CCSER1: variants seen among roughly 807,000 people sequenced by gnomAD.
CCSER1 encodes serine-rich coiled-coil domain-containing protein 1.
Under a neutral mutation model 82.0 loss-of-function variants are expected in CCSER1, and 41 were observed. That is an observed-to-expected ratio of 0.50 (90% CI 0.39 to 0.65). The LOEUF is 0.65. Among genes scored for constraint, CCSER1 ranks in the 30% least tolerant of loss-of-function variants. CCSER1 has a pLI of 0.00. For synonymous variants in CCSER1, 414 were observed against 383.9 expected, an observed-to-expected ratio of 1.08 and a Z score of -0.92; for missense variants, 1,119 against 1,064.2, an observed-to-expected ratio of 1.05 and a Z score of -0.72.
intron 10 of CCSER1, among the ~76,000 whole-genome samples, chr4:91,439,675 G>A (rs1754966078): frequency 6.6e-6 from 1 of 152,030 alleles, no homozygotes; most frequent in African/African-American, 2.4e-5. Flanking sequence ...TGGCAAATTG[G>A]ATAAAGAGTC....
At chr4:90,499,833 T>G in intron 5 of CCSER1, among the ~76,000 whole-genome samples, 1 of 152,184 alleles carries the variant, frequency 6.6e-6, no homozygotes, top group Non-Finnish European at 1.5e-5. Flanking sequence ...ACTATTTTGC[T>G]ATGACCAAGC....
intron 6 of CCSER1, among the ~76,000 whole-genome samples, chr4:90,648,289 GAAAGAAA>G (rs1728026992): frequency 2.2e-5 from 2 of 90,626 alleles, no homozygotes; most frequent in East Asian, 3.7e-4. Context: ...AGAAAGGAAA[GAAAGAAA>G]GAAAGAAAGA....
chr4:90,229,387 G>C (rs974365121), intron 1 of CCSER1, among the ~76,000 whole-genome samples: 7 of 152,008 alleles, frequency 4.6e-5, no homozygotes, highest in African/African-American at 1.7e-4. Flanking sequence ...ATAAGTGAGG[G>C]AGAAATAAAA....
At chr4:91,226,525 T>G (rs2149108545) in intron 10 of CCSER1, among the ~76,000 whole-genome samples, 1 of 151,978 alleles carries the variant, frequency 6.6e-6, no homozygotes, top group Non-Finnish European at 1.5e-5. Context: ...TATGGGGGCA[T>G]GTGAAGTGAA....
intron 10 of CCSER1, among the ~76,000 whole-genome samples, chr4:91,242,481 T>C (rs992655900): frequency 6.6e-6 from 1 of 152,216 alleles, no homozygotes; most frequent in African/African-American, 2.4e-5. Flanking sequence ...CTTACATCTT[T>C]CATAAAAATT....
intron 10 of CCSER1, among the ~76,000 whole-genome samples, chr4:91,157,361 G>A (rs988973073): frequency 4.0e-5 from 6 of 151,838 alleles, no homozygotes; most frequent in Admixed American, 2.6e-4. Flanking sequence ...AGAGGAAAAT[G>A]GTTTTATTCT....
chr4:90,906,583 A>G (rs1371243207), intron 8 of CCSER1, among the ~76,000 whole-genome samples: 1 of 152,124 alleles, frequency 6.6e-6, no homozygotes, highest in Non-Finnish European at 1.5e-5. Flanking sequence ...AATGCTCACA[A>G]TCTCCTAAAA....
intron 10 of CCSER1, among the ~76,000 whole-genome samples, chr4:91,559,101 C>CTAAT (rs1407173267): frequency 6.6e-6 from 1 of 151,430 alleles, no homozygotes; most frequent in Non-Finnish European, 1.5e-5. Flanking sequence ...TATGTGTCAT[C>CTAAT]TAATATTAAC....
chr4:90,650,896 C>G (rs1728633811), intron 6 of CCSER1, among the ~76,000 whole-genome samples: 1 of 152,138 alleles, frequency 6.6e-6, no homozygotes, highest in Non-Finnish European at 1.5e-5. Context: ...AGTCTCATAA[C>G]TAAGAAGCAG....
chr4:90,805,003 A>G (rs1026901265), intron 7 of CCSER1, among the ~76,000 whole-genome samples: 8 of 152,244 alleles, frequency 5.3e-5, no homozygotes, highest in African/African-American at 1.7e-4. Context: ...AAATTAAATC[A>G]CAAAATATTT....
At chr4:90,701,769 CTGTT>C (rs1223011153) in intron 6 of CCSER1, among the ~76,000 whole-genome samples, 10 of 152,232 alleles carry the variant, frequency 6.6e-5, no homozygotes, top group Non-Finnish European at 1.3e-4. Flanking sequence ...ATTTGGCTCT[CTGTT>C]TGTCTGTTAT....
At chr4:90,484,948 T>G (rs921166130) in intron 5 of CCSER1, among the ~76,000 whole-genome samples, 2 of 152,224 alleles carry the variant, frequency 1.3e-5, no homozygotes, top group Non-Finnish European at 2.9e-5. Flanking sequence ...TGCTGTCTTT[T>G]GTTTGTCTGT....
chr4:90,697,383 T>C (rs552018013), intron 6 of CCSER1, among the ~76,000 whole-genome samples: 1 of 119,294 alleles, frequency 8.4e-6, no homozygotes, highest in South Asian at 2.7e-4. Context: ...TTATTTCACA[T>C]AACATAAAAA....
chr4:90,194,927 G>A (rs947459310), intron 1 of CCSER1, among the ~76,000 whole-genome samples: 6 of 152,018 alleles, frequency 3.9e-5, no homozygotes, highest in African/African-American at 1.4e-4. Context: ...AGTTCTGTGA[G>A]TTTCAGAAAT....
At chr4:91,207,530 T>C (rs993607353) in intron 10 of CCSER1, among the ~76,000 whole-genome samples, 1 of 151,906 alleles carries the variant, frequency 6.6e-6, no homozygotes, top group African/African-American at 2.4e-5. Flanking sequence ...GGCCTCCAGT[T>C]CCATACATGT....
chr4:91,343,680 G>A lies in CCSER1; in HGVS notation c.2218-254892G>A, dbSNP rs532657118. 1.3e-3 allele frequency among the ~76,000 whole-genome samples: 192 copies of A among 152,170 alleles called. 1 individual carries two copies. The highest frequency in any genetic ancestry group is 4.1e-3 in the African/African-American group (171 of 41,532). The stretch of plus-strand genomic sequence containing the variant: ...ATAGAATTTTTAATCAAATTTTAGC[G>A]TGGAGATGATAGATCTTTAACACCT... On this transcript the variant is annotated intron_variant, in intron 10 of 10. Coordinates refer to ENST00000509176, the MANE Select transcript of CCSER1 (RefSeq NM_001145065.2).
At chr4:91,440,557 G>T (rs1755049689) in intron 10 of CCSER1, among the ~76,000 whole-genome samples, 1 of 152,124 alleles carries the variant, frequency 6.6e-6, no homozygotes, top group South Asian at 2.1e-4. Flanking sequence ...ACAATTAAAA[G>T]AACTAGAGAA....
At chr4:91,273,220 C>T (rs1332759293) in intron 10 of CCSER1, among the ~76,000 whole-genome samples, 1 of 152,016 alleles carries the variant, frequency 6.6e-6, no homozygotes, top group Non-Finnish European at 1.5e-5. Flanking sequence ...TGATTCTACC[C>T]ATCCGTGAGC....
At chr4:91,454,581 G>T (rs1039644581) in intron 10 of CCSER1, among the ~76,000 whole-genome samples, 1 of 151,928 alleles carries the variant, frequency 6.6e-6, no homozygotes, top group Non-Finnish European at 1.5e-5. Context: ...AGGTGTTAGG[G>T]ATTAAGTTCT....
Sources: gnomAD v4.1 joint callset for allele counts (sites outside exome capture counted in the v4.1 genomes callset) on GRCh38, gnomAD v4.1.1 for gene constraint, MANE v1.5 for transcripts, NCBI Gene and HGNC (gene_info 2026-07-23, HGNC 2026-07-21) for gene names.